Variants in MSH4 observed in about 807,000 individuals in gnomAD.
The protein encoded by MSH4 is mutS homolog 4.
Under a neutral mutation model 113.7 loss-of-function variants are expected in MSH4, and 106 were observed. The ratio of observed to expected loss-of-function variants is 0.93; its 90% CI spans 0.80 to 1.10. The LOEUF (loss-of-function observed/expected upper bound fraction) is 1.10. Among genes scored for constraint, MSH4 ranks in the 50% least tolerant of loss-of-function variants. The probability of loss-of-function intolerance (pLI) is 0.00; values close to 1 mark genes in which losing one functional copy is unlikely to be tolerated. For synonymous variants in MSH4, 368 were observed against 380.2 expected (o/e 0.97, Z 0.37); for missense variants, 1,061 against 1,093.7 (o/e 0.97, Z 0.42).
At chr1:75,844,693 A>G (rs915823154) in intron 7 of MSH4, among the ~76,000 whole-genome samples, 5 of 152,250 alleles carry the variant, frequency 3.3e-5, no homozygotes, top group Non-Finnish European at 7.3e-5. Context: ...ACAATTTTCT[A>G]TAAATTTATT....
At chr1:75,854,512 C>T (rs1651273332) in intron 8 of MSH4, among the ~76,000 whole-genome samples, 1 of 152,120 alleles carries the variant, frequency 6.6e-6, no homozygotes, top group African/African-American at 2.4e-5. Flanking sequence ...TATTCAGGCT[C>T]ATATACCCTT....
At chr1:75,859,698 G>T (rs1204037562) in intron 8 of MSH4, among the ~76,000 whole-genome samples, 2 of 152,156 alleles carry the variant, frequency 1.3e-5, no homozygotes, top group African/African-American at 4.8e-5. Context: ...GTTGATTTTA[G>T]AATTAGTGTG....
intron 15 of MSH4, among the ~76,000 whole-genome samples, chr1:75,888,348 C>A (rs927311024): frequency 2.0e-5 from 3 of 151,444 alleles, no homozygotes; most frequent in African/African-American, 7.3e-5. Flanking sequence ...AGATTTTATT[C>A]TATATTGAGA....
chr1:75,829,113 G>A (rs1444194214), intron 7 of MSH4, among the ~76,000 whole-genome samples: 1 of 152,340 alleles, frequency 6.6e-6, no homozygotes, highest in East Asian at 1.9e-4. Context: ...AATGGCCTTA[G>A]CAAACAGCAC....
At chr1:75,805,389 T>G (rs1164578088) in intron 2 of MSH4, among the ~76,000 whole-genome samples, 1 of 151,450 alleles carries the variant, frequency 6.6e-6, no homozygotes, top group Non-Finnish European at 1.5e-5. Flanking sequence ...TTTTGTTTTT[T>G]TTTTTTTTTG....
rs973938986 is a variant in MSH4, at chr1:75,818,191, A to G, written c.989+1645A>G. On this transcript the variant is annotated intron_variant, in intron 6 of 19. Coordinates refer to ENST00000263187, the MANE Select transcript of MSH4 (RefSeq NM_002440.4). ...GATATCCTTTTAATCCAGAAATCAG[A>G]TCTTGTAACTCTTCTGCTGAAAACC... 4.7e-4 allele frequency among the ~76,000 whole-genome samples: 71 copies of G among 152,296 alleles called. 1 individual carries two copies. The highest frequency in any genetic ancestry group is 1.6e-3 in the African/African-American group (66 of 41,562).
intron 6 of MSH4, among the ~76,000 whole-genome samples, 189 bp downstream of exon 6, chr1:75,816,735 T>G (rs1031954176): frequency 1.3e-5 from 2 of 152,184 alleles, no homozygotes; most frequent in Non-Finnish European, 2.9e-5. Context: ...CAAGCAATTC[T>G]TCTGTCTCAG....
intron 9 of MSH4, among the ~76,000 whole-genome samples, chr1:75,874,098 T>A (rs1651767531): frequency 2.0e-5 from 3 of 152,202 alleles, no homozygotes. Flanking sequence ...GTTTTTTGAC[T>A]TTTTAATAAT....
rs527621122 is a variant in MSH4, at chr1:75,827,249, T to A, written c.1162+4668T>A. On this transcript the variant is annotated intron_variant, in intron 7 of 19. Coordinates refer to ENST00000263187, the MANE Select transcript of MSH4 (RefSeq NM_002440.4). Reference sequence around the variant, plus strand: ...ATCCAGCCAAACTTAATTTCATAAGTGAAGGAGAAATAAAATCCTTTACAG... The same window carrying A: ...ATCCAGCCAAACTTAATTTCATAAGAGAAGGAGAAATAAAATCCTTTACAG... Among the ~76,000 whole-genome samples the A allele has an allele frequency of 2.6e-5, 4 of 152,184 alleles. No homozygotes were observed. The South Asian group carries it at 8.3e-4, about 32-fold the overall frequency.
intron 17 of MSH4, among the ~76,000 whole-genome samples, 150 bp from the exon 18 acceptor site, chr1:75,897,754 GATA>G (rs1185411518): frequency 1.3e-5 from 2 of 151,994 alleles, no homozygotes; most frequent in African/African-American, 4.8e-5. Flanking sequence ...AAAATGGATT[GATA>G]ATGTTAGCCT....
At position 75,825,771 on chromosome 1, in the gene MSH4, G is replaced by T. The variant is rs1257334805; in HGVS notation, c.1162+3190G>T. On this transcript the variant is annotated intron_variant, in intron 7 of 19. Transcript: ENST00000263187. The stretch of plus-strand genomic sequence containing the variant: ...GTTTATGTGACAGATTACATTTAGT[G>T]ATTTGCATATGTTGAACTAGCCTTC... 3.9e-5 allele frequency among the ~76,000 whole-genome samples: 6 copies of T among 152,118 alleles called. No homozygotes were observed. In the East Asian group the frequency reaches 1.2e-3, roughly 29 times the overall value.
intron 13 of MSH4, 84 bp from the exon 14 acceptor site, chr1:75,881,162 A>G: frequency 9.5e-7 from 1 of 1,052,754 alleles, no homozygotes; most frequent in South Asian, 1.6e-5. Context: ...TACTTCAGGC[A>G]ATGAATTTAA....
chr1:75,911,868 A>G (rs1652795537), intron 19 of MSH4, among the ~76,000 whole-genome samples: 1 of 152,080 alleles, frequency 6.6e-6, no homozygotes, highest in Non-Finnish European at 1.5e-5. Context: ...ATTATATTTC[A>G]GGGAAACTCA....
intron 15 of MSH4, among the ~76,000 whole-genome samples, chr1:75,887,500 T>C (rs1356656494): frequency 6.6e-6 from 1 of 152,164 alleles, no homozygotes; most frequent in African/African-American, 2.4e-5. Context: ...ATCACTGCTG[T>C]ATATACCTTG....
At position 75,822,529 on chromosome 1, in the gene MSH4, T is replaced by C; in HGVS notation, c.1110T>C (p.Asp370=). 1 of 1,575,856 alleles carries C rather than the reference T, an allele frequency of 6.3e-7. No individual in the cohort carries two copies. The highest frequency in any genetic ancestry group is 8.6e-7 in the Non-Finnish European group (1 of 1,166,410). ...TTGAAACCATTAACATGAGATTAGA[T>C]TGTGTTCAAGAACTACTTCAAGATG... ...VDIETINMRL[D]CVQELLQDEE... Residue 370 remains aspartate, a synonymous_variant, in exon 7 of 20, where the codon GAT becomes GAC. Coordinates refer to ENST00000263187, the MANE Select transcript of MSH4 (RefSeq NM_002440.4).
intron 8 of MSH4, among the ~76,000 whole-genome samples, chr1:75,865,813 T>G (rs577385744): frequency 1.5e-3 from 221 of 152,366 alleles, no homozygotes; most frequent in African/African-American, 5.0e-3. Flanking sequence ...CCAGATATTT[T>G]ATTGTTTTAC....
chr1:75,854,621 G>A (rs1377089268), intron 8 of MSH4, among the ~76,000 whole-genome samples: 2 of 151,960 alleles, frequency 1.3e-5, no homozygotes, highest in East Asian at 1.9e-4. Context: ...CCACACCAAC[G>A]ATGCTCTCTT....
At chr1:75,875,484 GAA>G (rs1403270253) in intron 9 of MSH4, among the ~76,000 whole-genome samples, 1 of 152,084 alleles carries the variant, frequency 6.6e-6, no homozygotes, top group Non-Finnish European at 1.5e-5. Context: ...AAATCAAAGA[GAA>G]ATTTCTATGA....
intron 9 of MSH4, among the ~76,000 whole-genome samples, chr1:75,874,640 G>C (rs1360843993): frequency 6.6e-6 from 1 of 151,988 alleles, no homozygotes; most frequent in African/African-American, 2.4e-5. Context: ...TTTTTGAAAG[G>C]AGTTTAGTAT....
Sources: gnomAD v4.1 joint callset for allele counts (sites outside exome capture counted in the v4.1 genomes callset) on GRCh38, gnomAD v4.1.1 for gene constraint, MANE v1.5 for transcripts, NCBI Gene and HGNC (gene_info 2026-07-23, HGNC 2026-07-21) for gene names.